The following EGFLAM variants were observed in gnomAD, a reference collection of about 807,000 sequenced individuals.
The protein encoded by EGFLAM is EGF like, fibronectin type III and laminin G domains.
A neutral mutation model predicts 113.1 loss-of-function variants in EGFLAM; 79 were observed. The observed-to-expected ratio is 0.70, with a 90% CI of 0.58 to 0.84. The LOEUF (loss-of-function observed/expected upper bound fraction) is 0.84, where lower values mean the gene tolerates loss of function less well. Ranked by LOEUF, EGFLAM falls within the 40% of genes least tolerant of loss-of-function variation. The pLI, the probability that EGFLAM is intolerant of heterozygous loss-of-function variation, is 0.00. For missense variants in EGFLAM, 1,265 were observed against 1,291.6 expected (o/e 0.98, Z 0.32); for synonymous variants, 504 against 487.6 (o/e 1.03, Z -0.44).
intron 15 of EGFLAM, 47 bp from the exon 16 acceptor site, chr5:38,435,090 C>T (rs200047933): frequency 2.2e-5 from 34 of 1,514,224 alleles, no homozygotes; most frequent in Non-Finnish European, 2.7e-5. Flanking sequence ...TCATTTTGAA[C>T]ATCTGTTTTA....
At chr5:38,259,517 C>T (rs973661131) in intron 1 of EGFLAM, among the ~76,000 whole-genome samples, 1 of 152,334 alleles carries the variant, frequency 6.6e-6, no homozygotes, top group East Asian at 1.9e-4. Flanking sequence ...CGTGTGTTTC[C>T]TCTAGCTGCA....
chr5:38,290,425 C>T (rs932346404), intron 1 of EGFLAM, among the ~76,000 whole-genome samples: 3 of 152,114 alleles, frequency 2.0e-5, no homozygotes, highest in African/African-American at 7.2e-5. Context: ...GGAACTGTGC[C>T]GATAACCCCG....
chr5:38,380,952 A>G (rs2112061377), intron 6 of EGFLAM, among the ~76,000 whole-genome samples: 1 of 152,334 alleles, frequency 6.6e-6, no homozygotes, highest in Admixed American at 6.5e-5. Flanking sequence ...AAAGGAACTC[A>G]CGATGCTCTG....
At chr5:38,463,342 CT>C (rs1743354151) in intron 21 of EGFLAM, among the ~76,000 whole-genome samples, 1 of 152,176 alleles carries the variant, frequency 6.6e-6, no homozygotes, top group Non-Finnish European at 1.5e-5. Flanking sequence ...AATAGAATGA[CT>C]AGTATTTCTG....
chr5:38,463,855 C>T lies in EGFLAM; in HGVS notation c.2899C>T (p.His967Tyr), dbSNP rs1472517140. 1 of 1,613,900 alleles carries T rather than the reference C, an allele frequency of 6.2e-7. No homozygotes were observed. Among genetic ancestry groups the T allele is most frequent in the Non-Finnish European group, 8.5e-7 (1 of 1,180,034 alleles). The change falls in exon 22 of 22, where the codon CAC becomes TAC. Residue 967 changes from histidine (H) to tyrosine (Y), a missense_variant. Transcript: ENST00000322350. Reference protein sequence around the residue: ...YVGGMKEIALHTNRQYMRGLV... With the variant: ...YVGGMKEIALYTNRQYMRGLV... ...AGGTGGAATGAAGGAAATTGCTCTG[C>T]ACACTAACAGGCAATATATGAGAGG...
In EGFLAM at chr5:38,406,986, G is replaced by A. The variant is rs767984778; in HGVS notation, c.987G>A (p.Gln329=). 7 of 1,614,068 alleles carry A rather than the reference G, an allele frequency of 4.3e-6. No individual in the cohort carries two copies. In the African/African-American group the frequency reaches 9.3e-5, roughly 22 times the overall value. The change falls in exon 8 of 22, where the codon CAG becomes CAA. Residue 329 remains glutamine, a synonymous_variant. Transcript: ENST00000322350. ...TTVAPQPIPI[Q]RKGKNGVAIM... ...TGGCTCCCCAGCCCATTCCCATACAGAGAAAGGGGAAGAATGGTGTGGCCA... is the reference window on the plus strand; with the variant it reads ...TGGCTCCCCAGCCCATTCCCATACAAAGAAAGGGGAAGAATGGTGTGGCCA...
chr5:38,302,337 A>G lies in EGFLAM; in HGVS notation c.98-35183A>G, dbSNP rs887114251. 6.6e-5 allele frequency among the ~76,000 whole-genome samples: 10 copies of G among 152,182 alleles called. No individual in the cohort carries two copies. In the East Asian group the frequency reaches 1.5e-3, roughly 24 times the overall value. On this transcript the variant is annotated intron_variant, in intron 1 of 21. Transcript: ENST00000322350. ...TTCCTTGAGGATAATAATGACAAAC[A>G]TGGCGTAGACGTGGGAATCAGACAA... is the stretch of plus-strand genomic sequence containing the variant.
chr5:38,370,299 A>G lies in EGFLAM; in HGVS notation c.549A>G (p.Pro183=), dbSNP rs759441991. 2.5e-6 allele frequency: 4 copies of G among 1,613,234 alleles called. No individual in the cohort carries two copies. Among genetic ancestry groups the G allele is most frequent in the Non-Finnish European group, 2.5e-6 (3 of 1,179,338 alleles). Residue 183 remains proline, a synonymous_variant, in exon 6 of 22, where the codon CCA becomes CCG. Transcript: ENST00000322350. ...TCTGTTTTTCTAATCAATAAAGGCC[A>G]GATTTCGACAAGAAGTGGACCTCAA... is the stretch of plus-strand genomic sequence containing the variant. ...IQYYSVEFIR[P]DFDKKWTSIH...
At chr5:38,336,814 A>G (rs565951321) in intron 1 of EGFLAM, among the ~76,000 whole-genome samples, 2 of 152,072 alleles carry the variant, frequency 1.3e-5, no homozygotes, top group African/African-American at 4.8e-5. Flanking sequence ...AACTGTATAG[A>G]AACACACACA....
intron 1 of EGFLAM, among the ~76,000 whole-genome samples, chr5:38,287,369 C>CT (rs565842904): frequency 4.6e-5 from 7 of 151,014 alleles, no homozygotes; most frequent in African/African-American, 1.7e-4. Context: ...TGCAGCCCTC[C>CT]TTTTTTTTTC....
chr5:38,421,103 C>T (rs1741806906), intron 12 of EGFLAM, among the ~76,000 whole-genome samples: 1 of 152,146 alleles, frequency 6.6e-6, no homozygotes, highest in Non-Finnish European at 1.5e-5. Context: ...CATGGTTCTC[C>T]ATCTGATATC....
Position 38,458,389 on chromosome 5 carries a change from C to T in EGFLAM, c.2766C>T (p.Ala922=), listed in dbSNP as rs371848483. 101 of 1,613,890 alleles carry T rather than the reference C, an allele frequency of 6.3e-5. No individual in the cohort carries two copies. The highest frequency in any genetic ancestry group is 3.3e-4 in the Middle Eastern group (2 of 6,056). ...ATGGTCGGTGGCACCGAGTTAAGGCCGTTAGGTGAGTCCCTCCCGCAGCAT... is the reference window on the plus strand; with the variant it reads ...ATGGTCGGTGGCACCGAGTTAAGGCTGTTAGGTGAGTCCCTCCCGCAGCAT... ...FNDGRWHRVK[A]VRDGQSGKIT... The change falls in exon 20 of 22, where the codon GCC becomes GCT. Residue 922 remains alanine, a synonymous_variant. Transcript: ENST00000322350.
At chr5:38,297,940 T>G (rs1447660379) in intron 1 of EGFLAM, among the ~76,000 whole-genome samples, 2 of 152,192 alleles carry the variant, frequency 1.3e-5, no homozygotes, top group Non-Finnish European at 2.9e-5. Flanking sequence ...CCCATTACTG[T>G]CGTAAGGACA....
chr5:38,421,838 G>A (rs1741833525), intron 12 of EGFLAM, among the ~76,000 whole-genome samples: 1 of 152,112 alleles, frequency 6.6e-6, no homozygotes, highest in African/African-American at 2.4e-5. Context: ...CCAGGCAGAG[G>A]GAAGGGCTTG....
intron 20 of EGFLAM, among the ~76,000 whole-genome samples, chr5:38,461,917 G>A (rs1743288614): frequency 6.6e-6 from 1 of 152,242 alleles, no homozygotes; most frequent in African/African-American, 2.4e-5. Context: ...TGTAATCCCA[G>A]CACTTTGGGA....
chr5:38,266,979 G>A (rs868414895), intron 1 of EGFLAM, among the ~76,000 whole-genome samples: 2 of 152,130 alleles, frequency 1.3e-5, no homozygotes, highest in Admixed American at 6.5e-5. Flanking sequence ...GCTGGAAAGA[G>A]CCCCCACTTA....
chr5:38,430,604 A>G (rs1323640880), intron 14 of EGFLAM, among the ~76,000 whole-genome samples: 4 of 152,154 alleles, frequency 2.6e-5, no homozygotes, highest in Admixed American at 2.0e-4. Context: ...GTTTCCTTCT[A>G]TGTTCATCAG....
At chr5:38,394,040 A>G (rs1191462330) in intron 6 of EGFLAM, among the ~76,000 whole-genome samples, 1 of 152,098 alleles carries the variant, frequency 6.6e-6, no homozygotes, top group Non-Finnish European at 1.5e-5. Flanking sequence ...GGCTAGGCCC[A>G]TCTCCGAAGC....
intron 6 of EGFLAM, among the ~76,000 whole-genome samples, chr5:38,381,765 A>G (rs1283250284): frequency 6.6e-6 from 1 of 152,148 alleles, no homozygotes; most frequent in Admixed American, 6.6e-5. Context: ...GCAGCACACA[A>G]GTGGAAGCCA....
Sources: gnomAD v4.1 joint callset for allele counts (sites outside exome capture counted in the v4.1 genomes callset) on GRCh38, gnomAD v4.1.1 for gene constraint, MANE v1.5 for transcripts, NCBI Gene and HGNC (gene_info 2026-07-23, HGNC 2026-07-21) for gene names.